Variants in CPEB1 observed in about 807,000 individuals in gnomAD.
CPEB1 encodes the protein cytoplasmic polyadenylation element binding protein 1, also known as cytoplasmic polyadenylation element-binding protein 1.
A neutral mutation model predicts 65.8 loss-of-function variants in CPEB1; 7 were observed. The ratio of observed to expected loss-of-function variants is 0.11; its 90% CI spans 0.06 to 0.20. The LOEUF (loss-of-function observed/expected upper bound fraction) is 0.20. Among genes scored for constraint, CPEB1 ranks in the 10% least tolerant of loss-of-function variants. The probability of loss-of-function intolerance (pLI) is 1.00; values close to 1 mark genes in which losing one functional copy is unlikely to be tolerated. For synonymous variants in CPEB1, 262 were observed against 260.0 expected (o/e 1.01, Z -0.08); for missense variants, 551 against 712.2 (o/e 0.77, Z 2.58).
chr15:82,633,651 G>T (rs1199793932), intron 1 of CPEB1, among the ~76,000 whole-genome samples: 1 of 152,176 alleles, frequency 6.6e-6, no homozygotes, highest in African/African-American at 2.4e-5. Flanking sequence ...GGGATTATAG[G>T]CATGAGCCAC....
At chr15:82,590,209 CAAAAAAA>C (rs5814120) in intron 3 of CPEB1, among the ~76,000 whole-genome samples, 158 of 104,048 alleles carry the variant, frequency 1.5e-3, no homozygotes, top group South Asian at 4.3e-3. Context: ...ATCCCTTTGA[CAAAAAAA>C]AAAAAAAAAA....
intron 4 of CPEB1, among the ~76,000 whole-genome samples, chr15:82,562,664 G>C (rs2038425004): frequency 6.6e-6 from 1 of 151,762 alleles, no homozygotes; most frequent in Non-Finnish European, 1.5e-5. Flanking sequence ...ACATAGTAAG[G>C]CCTGTCTCTA....
At chr15:82,573,220 T>A in intron 3 of CPEB1, 1 of 1,429,370 alleles carries the variant, frequency 7.0e-7, no homozygotes, top group Non-Finnish European at 9.2e-7. Context: ...ATTATCAGTC[T>A]CCTTCCTTTG....
chr15:82,558,079 C>T, intron 4 of CPEB1, 93 bp from the exon 5 acceptor site: 1 of 836,878 alleles, frequency 1.2e-6, no homozygotes. Flanking sequence ...ACAAGAGATA[C>T]CAAAGGCAAG....
intron 3 of CPEB1, among the ~76,000 whole-genome samples, chr15:82,613,254 T>C (rs183255592): frequency 6.6e-6 from 1 of 152,350 alleles, no homozygotes; most frequent in African/African-American, 2.4e-5. Context: ...TTGGCTTTAC[T>C]TTGGTATTCT....
intron 3 of CPEB1, among the ~76,000 whole-genome samples, chr15:82,580,917 T>C (rs2041224334): frequency 6.6e-6 from 1 of 151,170 alleles, no homozygotes; most frequent in Non-Finnish European, 1.5e-5. Context: ...AATGACGCAA[T>C]AATGGCTCAC....
intron 3 of CPEB1, among the ~76,000 whole-genome samples, chr15:82,589,261 C>G (rs1446475747): frequency 6.6e-6 from 1 of 152,242 alleles, no homozygotes; most frequent in Non-Finnish European, 1.5e-5. Context: ...GCTTAATACT[C>G]CTGCTCTGGC....
chr15:82,592,078 T>C (rs1032328891), intron 3 of CPEB1, among the ~76,000 whole-genome samples: 3 of 150,862 alleles, frequency 2.0e-5, no homozygotes, highest in East Asian at 4.0e-4. Flanking sequence ...TCTGGCTCAA[T>C]TGATCCGCCC....
intron 9 of CPEB1, among the ~76,000 whole-genome samples, chr15:82,551,471 T>C (rs2036243089): frequency 6.6e-6 from 1 of 152,196 alleles, no homozygotes; most frequent in African/African-American, 2.4e-5. Context: ...TTTTACCTTC[T>C]ATGGGTTTGG....
chr15:82,588,409 T>A (rs947627097), intron 3 of CPEB1, among the ~76,000 whole-genome samples: 1 of 152,200 alleles, frequency 6.6e-6, no homozygotes, highest in African/African-American at 2.4e-5. Flanking sequence ...TGTATACACA[T>A]AGCTTTTAAA....
Position 82,630,951 on chromosome 15 carries a change from TATA to T in CPEB1, c.-97-2398_-97-2396del, listed in dbSNP as rs879720482. 2.1e-3 allele frequency among the ~76,000 whole-genome samples: 317 copies of T among 152,228 alleles called. 4 individuals are homozygous for T. Among genetic ancestry groups the T allele is most frequent in the Admixed American group, 0.015 (222 of 15,280 alleles). Reference sequence around the variant, plus strand: ...TAATTACTGTAATAAAAGTACTATATATATATGGACTACATGGATTCCAGATCC... The same window carrying T: ...TAATTACTGTAATAAAAGTACTATATTATGGACTACATGGATTCCAGATCC... On this transcript the variant is annotated intron_variant, in intron 1 of 12. Coordinates refer to ENST00000684509, the MANE Select transcript of CPEB1 (RefSeq NM_001365242.1).
At chr15:82,615,174 T>C (rs1282686875) in intron 3 of CPEB1, among the ~76,000 whole-genome samples, 1 of 152,206 alleles carries the variant, frequency 6.6e-6, no homozygotes, top group African/African-American at 2.4e-5. Flanking sequence ...TATCTTTGTT[T>C]GGGTTTATTA....
chr15:82,622,314 CAG>C (rs1004646982), intron 3 of CPEB1, among the ~76,000 whole-genome samples: 3 of 152,130 alleles, frequency 2.0e-5, no homozygotes, highest in African/African-American at 4.8e-5. Flanking sequence ...CCCAAAAGCT[CAG>C]GCCTTTGCAA....
intron 1 of CPEB1, chr15:82,628,926 A>G (rs2046002238): frequency 6.3e-6 from 1 of 159,096 alleles, no homozygotes; most frequent in Admixed American, 5.9e-5. Context: ...TCAACTGTTT[A>G]TGTTATCGGT....
intron 3 of CPEB1, among the ~76,000 whole-genome samples, chr15:82,579,835 C>T (rs1275361306): frequency 7.3e-6 from 1 of 136,562 alleles, no homozygotes; most frequent in Non-Finnish European, 1.5e-5. Context: ...TGGCGTGAAC[C>T]CGGGAAGCGG....
intron 4 of CPEB1, among the ~76,000 whole-genome samples, chr15:82,559,870 G>C (rs1596018514): frequency 6.6e-6 from 1 of 152,058 alleles, no homozygotes; most frequent in South Asian, 2.1e-4. Flanking sequence ...GATCACCTGA[G>C]GTCAGGAGTT....
intron 7 of CPEB1, 65 bp from the exon 8 acceptor site, chr15:82,553,621 A>C: frequency 8.3e-7 from 1 of 1,201,628 alleles, no homozygotes; most frequent in Non-Finnish European, 1.2e-6. Flanking sequence ...AGACACAAAC[A>C]CAGAATCACC....
intron 1 of CPEB1, among the ~76,000 whole-genome samples, chr15:82,642,718 G>C (rs948029572): frequency 3.3e-5 from 5 of 152,160 alleles, no homozygotes; most frequent in Admixed American, 1.3e-4. Context: ...GGGCTTTCTG[G>C]CAAATTCTCC....
At chr15:82,640,059 G>A (rs1386729398) in intron 1 of CPEB1, among the ~76,000 whole-genome samples, 1 of 152,150 alleles carries the variant, frequency 6.6e-6, no homozygotes, top group South Asian at 2.1e-4. Context: ...TGTAAGCTTA[G>A]CTATGAGAAC....
Sources: gnomAD v4.1 joint callset for allele counts (sites outside exome capture counted in the v4.1 genomes callset) on GRCh38, gnomAD v4.1.1 for gene constraint, MANE v1.5 for transcripts, NCBI Gene and HGNC (gene_info 2026-07-23, HGNC 2026-07-21) for gene names.